The following LDLRAD4 variants were observed in gnomAD, a reference collection of about 807,000 sequenced individuals.
The protein encoded by LDLRAD4 is low density lipoprotein receptor class A domain containing 4, also known as low-density lipoprotein receptor class A domain-containing protein 4.
A neutral mutation model predicts 17.0 loss-of-function variants in LDLRAD4; 5 were observed. The ratio of observed to expected loss-of-function variants is 0.29; its 90% CI spans 0.15 to 0.62. LDLRAD4 has a LOEUF of 0.62. Ranked by LOEUF, LDLRAD4 falls within the 20% of genes least tolerant of loss-of-function variation. LDLRAD4 has a pLI of 0.84. For synonymous variants in LDLRAD4, 168 were observed against 171.8 expected, an observed-to-expected ratio of 0.98 and a Z score of 0.17; for missense variants, 340 against 424.7, an observed-to-expected ratio of 0.80 and a Z score of 1.75.
chr18:13,291,513 C>T (rs567838865), intron 1 of LDLRAD4, among the ~76,000 whole-genome samples: 2 of 152,096 alleles, frequency 1.3e-5, no homozygotes, highest in South Asian at 2.1e-4. Context: ...GCTTGAGCTG[C>T]GGGGACCTGG....
intron 3 of LDLRAD4, among the ~76,000 whole-genome samples, chr18:13,576,388 C>T (rs1169633228): frequency 7.0e-6 from 1 of 143,766 alleles, no homozygotes; most frequent in Non-Finnish European, 1.5e-5. Context: ...TGCCACTGCA[C>T]TCCAGCCTGG....
At chr18:13,628,904 C>T (rs1302147067) in intron 4 of LDLRAD4, among the ~76,000 whole-genome samples, 2 of 152,162 alleles carry the variant, frequency 1.3e-5, no homozygotes, top group Non-Finnish European at 2.9e-5. Context: ...GATCATAACT[C>T]ACTGCAGCCT....
At chr18:13,570,847 C>T (rs12455500) in intron 3 of LDLRAD4, among the ~76,000 whole-genome samples, 26,016 of 151,936 alleles carry the variant, frequency 0.17, 2,425 homozygotes, top group East Asian at 0.36. Flanking sequence ...GAGTCAAGGT[C>T]TCACTCTGTC....
intron 1 of LDLRAD4, among the ~76,000 whole-genome samples, chr18:13,254,767 A>T (rs549160161): frequency 5.3e-5 from 8 of 152,198 alleles, no homozygotes; most frequent in African/African-American, 1.9e-4. Context: ...GTTTGAGACT[A>T]GACTGGGAAA....
At chr18:13,616,623 G>A (rs972057527) in intron 3 of LDLRAD4, among the ~76,000 whole-genome samples, 1 of 152,164 alleles carries the variant, frequency 6.6e-6, no homozygotes, top group East Asian at 1.9e-4. Flanking sequence ...ACCGGCCACC[G>A]TCACCTGCAG....
In LDLRAD4 at chr18:13,400,860, A is replaced by G. The variant is rs563637669; in HGVS notation, c.40+13098A>G. On this transcript the variant is annotated intron_variant, in intron 2 of 5. Transcript: ENST00000359446. The stretch of plus-strand genomic sequence containing the variant: ...CATGTGTTCCTGGAGCACTTGCTGT[A>G]TACCAGACACTGTAGTAGGCACTGG... Among the ~76,000 whole-genome samples, 13 of 152,296 alleles carry G rather than the reference A, an allele frequency of 8.5e-5. 2 individuals carry two copies. The South Asian group carries it at 2.7e-3, about 32-fold the overall frequency.
intron 3 of LDLRAD4, among the ~76,000 whole-genome samples, chr18:13,539,021 T>C (rs1395438658): frequency 6.6e-6 from 1 of 152,252 alleles, no homozygotes; most frequent in African/African-American, 2.4e-5. Flanking sequence ...CAGTTTCCTT[T>C]GGTGTAACTT....
chr18:13,445,641 CTG>C (rs2091347020), intron 3 of LDLRAD4, among the ~76,000 whole-genome samples: 2 of 149,718 alleles, frequency 1.3e-5, no homozygotes, highest in African/African-American at 2.5e-5. Flanking sequence ...GTGAGAGAGT[CTG>C]ATGCATTTGT....
intron 3 of LDLRAD4, among the ~76,000 whole-genome samples, chr18:13,590,468 C>T (rs1400282467): frequency 6.6e-6 from 1 of 152,216 alleles, no homozygotes; most frequent in Non-Finnish European, 1.5e-5. Flanking sequence ...GAGCATGCCA[C>T]TTCTTGTGTG....
intron 3 of LDLRAD4, among the ~76,000 whole-genome samples, chr18:13,617,241 T>C (rs985711276): frequency 2.0e-5 from 3 of 152,178 alleles, no homozygotes; most frequent in Non-Finnish European, 4.4e-5. Flanking sequence ...AGTTTAGTTT[T>C]ACAGAGAGTA....
At chr18:13,614,720 C>T (rs186556987) in intron 3 of LDLRAD4, 6 of 152,304 alleles carry the variant, frequency 3.9e-5, no homozygotes, top group Non-Finnish European at 7.3e-5. Flanking sequence ...TAGATTCCAA[C>T]TCCTGCCCCC....
intron 3 of LDLRAD4, among the ~76,000 whole-genome samples, chr18:13,449,639 C>T (rs1384336112): frequency 6.6e-6 from 1 of 152,258 alleles, no homozygotes; most frequent in South Asian, 2.1e-4. Context: ...CTGTGGATGG[C>T]TCTGCCATGG....
chr18:13,634,545 C>T lies in LDLRAD4; in HGVS notation c.337-8814C>T, dbSNP rs76479434. 3.5e-3 allele frequency among the ~76,000 whole-genome samples: 534 copies of T among 152,124 alleles called. 2 individuals carry two copies. The highest frequency in any genetic ancestry group is 0.012 in the African/African-American group (506 of 41,474). Reference sequence around the variant, plus strand: ...GACTTGTGCACTGAGCAATAGAAAGCATTGCTGAAAGAAATGGAAGAAAAT... The same window carrying T: ...GACTTGTGCACTGAGCAATAGAAAGTATTGCTGAAAGAAATGGAAGAAAAT... On this transcript the variant is annotated intron_variant, in intron 4 of 5. Coordinates refer to ENST00000359446, the Ensembl canonical transcript of LDLRAD4.
intron 1 of LDLRAD4, among the ~76,000 whole-genome samples, chr18:13,302,933 C>T (rs767665170): frequency 7.2e-5 from 11 of 152,330 alleles, no homozygotes; most frequent in African/African-American, 2.2e-4. Flanking sequence ...ATTTGGAGCC[C>T]GACCTGCTGC....
intron 1 of LDLRAD4, among the ~76,000 whole-genome samples, chr18:13,338,829 GAGA>G (rs1335524770): frequency 1.3e-5 from 2 of 152,180 alleles, no homozygotes; most frequent in African/African-American, 4.8e-5. Context: ...AGAAGAGAGG[GAGA>G]AGATGATGCT....
At position 13,367,436 on chromosome 18, in the gene LDLRAD4, A is replaced by T. The variant is rs961524613; in HGVS notation, c.-382-19905A>T. On this transcript the variant is annotated intron_variant, in intron 1 of 5. Transcript: ENST00000359446. This position sits in a 1 kb window ranked among gnomAD's most constrained non-coding sequence, Gnocchi z 4.1. ...GGCATTGAACTGCGTGGGGCACTCC[A>T]TGGGGCAGAAAAGAGCCTGGCAGGT... Among the ~76,000 whole-genome samples, 4 of 152,142 alleles carry T rather than the reference A, an allele frequency of 2.6e-5. No homozygotes were observed. Among genetic ancestry groups the T allele is most frequent in the Non-Finnish European group, 5.9e-5 (4 of 68,016 alleles).
At chr18:13,608,558 G>A (rs1458370712) in intron 3 of LDLRAD4, among the ~76,000 whole-genome samples, 2 of 152,188 alleles carry the variant, frequency 1.3e-5, no homozygotes, top group Non-Finnish European at 2.9e-5. Flanking sequence ...GGAGTGGCTG[G>A]ATGAGAGCTG....
At position 13,321,861 on chromosome 18, in the gene LDLRAD4, C is replaced by CAA. The variant is rs57033432; in HGVS notation, c.-383+43713_-383+43714dup. 1.7e-3 allele frequency among the ~76,000 whole-genome samples: 107 copies of CAA among 62,072 alleles called. 13 individuals are homozygous for CAA. Among genetic ancestry groups the CAA allele is most frequent in the Non-Finnish European group, 2.3e-3 (82 of 35,756 alleles). The allele number at this position is 62,072 out of a possible 152,430, so 40.7% of individuals were successfully genotyped here. A position where few individuals can be genotyped will look rare whatever the true frequency, so the allele number is the denominator to read the frequency against. On this transcript the variant is annotated intron_variant, in intron 1 of 5. Transcript: ENST00000359446. ...AGGCAACAACAGCGAGACTCCGTCT[C>CAA]AAAAAAAAAAAAAAAAAAAAAAAAA...
chr18:13,392,421 G>A (rs2086345294), intron 2 of LDLRAD4, among the ~76,000 whole-genome samples: 1 of 152,220 alleles, frequency 6.6e-6, no homozygotes, highest in African/African-American at 2.4e-5. Context: ...CATTCATTGA[G>A]CAATGATATA....
Sources: allele counts gnomAD v4.1 joint callset (sites outside exome capture counted in the v4.1 genomes callset), GRCh38; gene constraint gnomAD v4.1.1; non-coding constraint Gnocchi (gnomAD v3.1); transcripts MANE v1.5; gene names NCBI Gene and HGNC (gene_info 2026-07-23, HGNC 2026-07-21).